The following C11orf97 variants were observed in gnomAD, a reference collection of about 807,000 sequenced individuals.
The protein encoded by C11orf97 is chromosome 11 open reading frame 97.
In C11orf97, 15 loss-of-function variants were observed where a neutral mutation model predicts 16.2. That is an observed-to-expected ratio of 0.93 (90% CI 0.62 to 1.43). The LOEUF is 1.43. Ranked by LOEUF, C11orf97 falls within the 40% of genes most tolerant of loss-of-function variation. The pLI, the probability that C11orf97 is intolerant of heterozygous loss-of-function variation, is 0.00. For synonymous variants in C11orf97, 61 were observed against 65.7 expected (o/e 0.93, Z 0.34); for missense variants, 171 against 161.2 (o/e 1.06, Z -0.33).
chr11:94,520,186 T>G (rs1393179632), intron 2 of C11orf97, among the ~76,000 whole-genome samples: 1 of 152,218 alleles, frequency 6.6e-6, no homozygotes, highest in East Asian at 1.9e-4. Context: ...CAAATAGCCT[T>G]CTTTTTGAAG....
chr11:94,522,385 A>T (rs1947664369), intron 2 of C11orf97, among the ~76,000 whole-genome samples: 1 of 152,096 alleles, frequency 6.6e-6, no homozygotes, highest in African/African-American at 2.4e-5. Context: ...CATACAAAAA[A>T]AATTAGCCGG....
chr11:94,514,943 CCAA>C (rs1229646319), intron 1 of C11orf97, among the ~76,000 whole-genome samples: 2 of 152,162 alleles, frequency 1.3e-5, no homozygotes, highest in African/African-American at 4.8e-5. Context: ...CCGCGCCTGG[CCAA>C]TGTCACCTTT....
chr11:94,517,633 G>A lies in C11orf97; in HGVS notation c.196G>A (p.Glu66Lys). ...ACATAAGAGAATTAAGGAAGTACTG[G>A]AAGAAGAACGTCATATTAAGAGAGA... ...EPHKRIKEVLEEERHIKRDEC... is the reference protein window; with the variant it reads ...EPHKRIKEVLKEERHIKRDEC... The change falls in exon 2 of 4, where the codon GAA becomes AAA. Residue 66 changes from glutamate to lysine, a missense_variant. Coordinates refer to ENST00000542198, the MANE Select transcript of C11orf97 (RefSeq NM_001190462.2). The A allele has an allele frequency of 6.5e-7, 1 of 1,532,806 alleles. No individual in the cohort carries two copies. Among genetic ancestry groups the A allele is most frequent in the South Asian group, 1.2e-5 (1 of 82,994 alleles). 95.0% of individuals were successfully genotyped at this position (1,532,806 alleles called of 1,614,324 possible).
chr11:94,526,395 T>C (rs558904998), intron 2 of C11orf97, among the ~76,000 whole-genome samples: 2 of 152,352 alleles, frequency 1.3e-5, no homozygotes, highest in Admixed American at 1.3e-4. Context: ...TTTCTGGGCA[T>C]CTGCATTTAT....
chr11:94,520,893 A>C (rs1947652641), intron 2 of C11orf97, among the ~76,000 whole-genome samples: 1 of 152,108 alleles, frequency 6.6e-6, no homozygotes, highest in Non-Finnish European at 1.5e-5. Context: ...TCCATGCTTA[A>C]AGTTGTCTGA....
intron 3 of C11orf97, 67 bp downstream of exon 3, chr11:94,528,276 G>C: frequency 7.2e-7 from 1 of 1,380,040 alleles, no homozygotes; most frequent in Non-Finnish European, 9.6e-7. Context: ...ACAAACCAGT[G>C]GTATATGCTC....
intron 1 of C11orf97, among the ~76,000 whole-genome samples, chr11:94,514,373 T>G (rs1947593119): frequency 6.6e-6 from 1 of 152,102 alleles, no homozygotes; most frequent in Non-Finnish European, 1.5e-5. Context: ...CAGAACCTCC[T>G]TTTAGGGACT....
chr11:94,526,941 A>T lies in C11orf97; in HGVS notation c.251-1143A>T, dbSNP rs571000948. On this transcript the variant is annotated intron_variant, in intron 2 of 3. Coordinates refer to ENST00000542198, the MANE Select transcript of C11orf97 (RefSeq NM_001190462.2). ...CAGCTCAATGACTGTACCTCCAGTC[A>T]CGGAATCTTAGTCCATGCTTGGATA... Among the ~76,000 whole-genome samples, 8 of 152,328 alleles carry T rather than the reference A, an allele frequency of 5.3e-5. No homozygotes were observed. The East Asian group carries it at 1.2e-3, about 22-fold the overall frequency.
chr11:94,517,115 A>T (rs929795254), intron 1 of C11orf97, among the ~76,000 whole-genome samples: 5 of 152,192 alleles, frequency 3.3e-5, no homozygotes, highest in Admixed American at 3.3e-4. Flanking sequence ...ACTACAATTC[A>T]GTTTCAATCT....
chr11:94,526,824 AG>A (rs2135184334), intron 2 of C11orf97, among the ~76,000 whole-genome samples: 1 of 152,326 alleles, frequency 6.6e-6, no homozygotes, highest in Admixed American at 6.5e-5. Flanking sequence ...AGGTCTTTGA[AG>A]AAGAGAGAAA....
intron 1 of C11orf97, among the ~76,000 whole-genome samples, chr11:94,513,473 C>T (rs58458706): frequency 0.021 from 3,244 of 152,312 alleles, 139 homozygotes; most frequent in African/African-American, 0.075. Context: ...AGAGTAGTTT[C>T]CAGCCTTCCT....
At chr11:94,519,649 C>T (rs1273594195) in intron 2 of C11orf97, among the ~76,000 whole-genome samples, 1 of 152,188 alleles carries the variant, frequency 6.6e-6, no homozygotes, top group Non-Finnish European at 1.5e-5. Flanking sequence ...TGAAGACTGT[C>T]TGGGCTGCTT....
At chr11:94,531,108 A>C in intron 3 of C11orf97, among the ~76,000 whole-genome samples, 1 of 152,204 alleles carries the variant, frequency 6.6e-6, no homozygotes, top group East Asian at 1.9e-4. Flanking sequence ...GTAGTTCTAA[A>C]GCATGTTTCC....
intron 2 of C11orf97, among the ~76,000 whole-genome samples, chr11:94,519,657 C>T (rs1947642385): frequency 6.6e-6 from 1 of 152,210 alleles, no homozygotes; most frequent in Admixed American, 6.5e-5. Context: ...GTCTGGGCTG[C>T]TTTTTAAAAT....
chr11:94,516,548 C>T (rs929899753), intron 1 of C11orf97, among the ~76,000 whole-genome samples: 9 of 152,152 alleles, frequency 5.9e-5, no homozygotes, highest in African/African-American at 2.2e-4. Flanking sequence ...ACTGAAGAGA[C>T]AACATCCCTG....
chr11:94,525,616 C>T (rs1947694896), intron 2 of C11orf97, among the ~76,000 whole-genome samples: 1 of 152,154 alleles, frequency 6.6e-6, no homozygotes, highest in African/African-American at 2.4e-5. Context: ...GAGGAATTTA[C>T]TAGACACCAA....
intron 1 of C11orf97, among the ~76,000 whole-genome samples, chr11:94,516,491 G>T (rs1947612415): frequency 1.3e-5 from 2 of 152,156 alleles, no homozygotes; most frequent in African/African-American, 2.4e-5. Context: ...ACACACATTT[G>T]TTGAGCATTT....
At chr11:94,518,705 A>T (rs989943053) in intron 2 of C11orf97, among the ~76,000 whole-genome samples, 156 of 152,314 alleles carry the variant, frequency 1.0e-3, no homozygotes, top group African/African-American at 3.7e-3. Flanking sequence ...TCATGCTCTC[A>T]AATCATCAGA....
At position 94,517,654 on chromosome 11, in the gene C11orf97, A is replaced by T. The variant is rs1019452602; in HGVS notation, c.217A>T (p.Arg73Ter). 5.2e-6 allele frequency: 8 copies of T among 1,531,266 alleles called. No homozygotes were observed. The African/African-American group carries it at 1.1e-4, about 21-fold the overall frequency. 94.9% of individuals were successfully genotyped at this position (1,531,266 alleles called of 1,614,324 possible). Residue 73 changes from arginine (R) to a stop codon, truncating the protein, a stop_gained, in exon 2 of 4, where the codon AGA becomes TGA. Coordinates refer to ENST00000542198, the MANE Select transcript of C11orf97 (RefSeq NM_001190462.2). LOFTEE classifies it high-confidence loss of function. ...ACTGGAAGAAGAACGTCATATTAAG[A>T]GAGATGAATGCCACATTAAAAATCC... is the stretch of plus-strand genomic sequence containing the variant. ...EVLEEERHIK[R>*]DECHIKNPAA...
Sources: gnomAD v4.1 joint callset for allele counts (sites outside exome capture counted in the v4.1 genomes callset) on GRCh38, gnomAD v4.1.1 for gene constraint, MANE v1.5 for transcripts, NCBI Gene and HGNC (gene_info 2026-07-23, HGNC 2026-07-21) for gene names.